INO80: variants seen among roughly 807,000 people sequenced by gnomAD.
INO80 encodes the protein chromatin-remodeling ATPase INO80.
A neutral mutation model predicts 203.4 loss-of-function variants in INO80; 20 were observed. That is an observed-to-expected ratio of 0.10 (90% confidence interval 0.07 to 0.14). The LOEUF (loss-of-function observed/expected upper bound fraction) is 0.14. Ranked by LOEUF, INO80 falls within the 10% of genes least tolerant of loss-of-function variation. The pLI, the probability that INO80 is intolerant of heterozygous loss-of-function variation, is 1.00. For synonymous variants in INO80, 726 were observed against 685.2 expected, an observed-to-expected ratio of 1.06 and a Z score of -0.93; for missense variants, 1,419 against 1,914.4, an observed-to-expected ratio of 0.74 and a Z score of 4.83.
chr15:41,090,683 A>C (rs932542241), intron 5 of INO80, among the ~76,000 whole-genome samples: 1 of 152,160 alleles, frequency 6.6e-6, no homozygotes, highest in African/African-American at 2.4e-5. Context: ...GAGGTGATGC[A>C]AATGTTCTGG....
At chr15:41,015,194 C>T (rs1464207934) in intron 27 of INO80, among the ~76,000 whole-genome samples, 1 of 152,204 alleles carries the variant, frequency 6.6e-6, no homozygotes, top group Non-Finnish European at 1.5e-5. Flanking sequence ...CTGCCTTGCA[C>T]AGTCATATCT....
rs1175232301 is a variant in INO80, at chr15:41,114,839, CA to C, written c.-44+1133del. Among the ~76,000 whole-genome samples, 16 of 151,710 alleles carry C rather than the reference CA, an allele frequency of 1.1e-4. No individual in the cohort carries two copies. The East Asian group carries it at 3.1e-3, about 29-fold the overall frequency. On this transcript the variant is annotated intron_variant, in intron 1 of 35. Transcript: ENST00000648947. Reference sequence around the variant, plus strand: ...TGTTTCTTTTTTAGGTAAATTTAGGCAAAAAATATATTAATAGTTACCTAAG... The same window carrying C: ...TGTTTCTTTTTTAGGTAAATTTAGGCAAAAATATATTAATAGTTACCTAAG...
intron 28 of INO80, among the ~76,000 whole-genome samples, chr15:41,000,630 G>A (rs921464295): frequency 2.7e-5 from 4 of 146,026 alleles, no homozygotes; most frequent in African/African-American, 1.0e-4. Flanking sequence ...GGGAGGTCAA[G>A]GATGCAGTGA....
At position 41,005,723 on chromosome 15, in the gene INO80, T is replaced by C. The variant is rs545295713; in HGVS notation, c.3403-36A>G. On this transcript the variant is annotated intron_variant, in intron 27 of 35. Transcript: ENST00000648947. The stretch of plus-strand genomic sequence containing the variant: ...GGATAAAAGGACACAGTAAATCTGA[T>C]GCAAATTACTGTATTCTGATTTCCA... The C allele has an allele frequency of 1.2e-5, 13 of 1,127,406 alleles. No individual in the cohort carries two copies. The Admixed American group carries it at 2.1e-4, about 18-fold the overall frequency. The allele number at this position is 1,127,406 out of a possible 1,614,324, so 69.8% of individuals were successfully genotyped here.
chr15:41,073,546 T>A, intron 10 of INO80, 51 bp from the exon 11 acceptor site: 2 of 1,397,262 alleles, frequency 1.4e-6, no homozygotes, highest in Non-Finnish European at 1.0e-6. Context: ...GATTTTGTTC[T>A]AAGATACAAT....
At chr15:41,091,216 G>A (rs1042339035) in intron 5 of INO80, among the ~76,000 whole-genome samples, 3 of 151,122 alleles carry the variant, frequency 2.0e-5, no homozygotes, top group African/African-American at 4.9e-5. Context: ...GAGTCACTGC[G>A]CCCAGCCAAC....
At chr15:41,036,640 CAA>C (rs2044580442) in intron 24 of INO80, among the ~76,000 whole-genome samples, 1 of 151,996 alleles carries the variant, frequency 6.6e-6, no homozygotes, top group African/African-American at 2.4e-5. Context: ...ACCAATCCAC[CAA>C]TATTGTTATT....
At chr15:41,006,722 C>A (rs144868067) in intron 27 of INO80, among the ~76,000 whole-genome samples, 1 of 152,326 alleles carries the variant, frequency 6.6e-6, no homozygotes, top group Non-Finnish European at 1.5e-5. Context: ...GGCTAGGGTA[C>A]ATGTGAAGCG....
intron 24 of INO80, among the ~76,000 whole-genome samples, chr15:41,039,214 C>A (rs1230360558): frequency 1.3e-5 from 2 of 152,164 alleles, no homozygotes; most frequent in African/African-American, 2.4e-5. Context: ...TGGCTCCAAG[C>A]AATCCTCCCA....
At chr15:41,046,174 T>G (rs1443660605) in intron 23 of INO80, among the ~76,000 whole-genome samples, 2 of 144,980 alleles carry the variant, frequency 1.4e-5, no homozygotes, top group African/African-American at 5.3e-5. Context: ...TGTGTGTGTG[T>G]GTCTGTGTGT....
At chr15:41,058,577 G>A (rs2045042248) in intron 16 of INO80, 62 bp downstream of exon 16, 2 of 1,271,994 alleles carry the variant, frequency 1.6e-6, no homozygotes, top group Non-Finnish European at 2.3e-6. Context: ...GTGCGTGTGT[G>A]TGTGTGTGTG....
chr15:41,076,416 T>G (rs926035774), intron 9 of INO80, among the ~76,000 whole-genome samples: 1 of 150,294 alleles, frequency 6.7e-6, no homozygotes, highest in Admixed American at 6.7e-5. Flanking sequence ...GTGATAATAA[T>G]AGCTACAAAA....
chr15:41,104,415 A>T (rs1214427436), intron 1 of INO80, among the ~76,000 whole-genome samples: 1 of 152,092 alleles, frequency 6.6e-6, no homozygotes, highest in Non-Finnish European at 1.5e-5. Context: ...CAACAGCTTC[A>T]TGTTAATGGT....
intron 26 of INO80, among the ~76,000 whole-genome samples, chr15:41,020,541 T>C (rs1396422347): frequency 6.6e-6 from 1 of 152,190 alleles, no homozygotes; most frequent in Non-Finnish European, 1.5e-5. Flanking sequence ...TAAATGAGGC[T>C]TTCTGTGAGT....
At chr15:41,092,210 C>A in intron 4 of INO80, 28 bp from the exon 5 acceptor site, 2 of 1,553,852 alleles carry the variant, frequency 1.3e-6, no homozygotes, top group Admixed American at 1.7e-5. Context: ...AGAAATGTAT[C>A]TTTTGCTGTG....
At chr15:41,066,534 A>G (rs1028679689) in intron 14 of INO80, among the ~76,000 whole-genome samples, 1 of 150,060 alleles carries the variant, frequency 6.7e-6, no homozygotes, top group Non-Finnish European at 1.5e-5. Flanking sequence ...GGGCACTAGG[A>G]AAAAAAAAAT....
chr15:41,002,921 A>G (rs977172750), intron 28 of INO80, among the ~76,000 whole-genome samples: 2 of 152,098 alleles, frequency 1.3e-5, no homozygotes, highest in African/African-American at 4.8e-5. Context: ...TGGCTAACAT[A>G]GTGAAACCTT....
At chr15:41,086,821 T>C (rs1466467106) in intron 6 of INO80, among the ~76,000 whole-genome samples, 1 of 152,076 alleles carries the variant, frequency 6.6e-6, no homozygotes, top group African/African-American at 2.4e-5. Context: ...CAGAAGATCA[T>C]CAGGAGGTGA....
intron 7 of INO80, among the ~76,000 whole-genome samples, chr15:41,084,720 T>C (rs2045534143): frequency 1.3e-5 from 2 of 152,114 alleles, no homozygotes; most frequent in African/African-American, 2.4e-5. Context: ...AACTCCTTTT[T>C]ATTTTATTTA....
Sources: allele counts gnomAD v4.1 joint callset (sites outside exome capture counted in the v4.1 genomes callset), GRCh38; gene constraint gnomAD v4.1.1; transcripts MANE v1.5; gene names NCBI Gene and HGNC (gene_info 2026-07-23, HGNC 2026-07-21).